The following WWOX variants were observed in gnomAD, a reference collection of about 807,000 sequenced individuals.
WWOX encodes the protein WW domain-containing oxidoreductase.
Under a neutral mutation model 46.2 loss-of-function variants are expected in WWOX, and 69 were observed. The ratio of observed to expected loss-of-function variants is 1.49; its 90% CI spans 1.23 to 1.82. WWOX has a LOEUF of 1.82. WWOX is among the 40% of genes most tolerant of loss of function. The pLI is 0.00. For missense variants in WWOX, 919 were observed against 542.6 expected (o/e 1.69, Z -6.89); for synonymous variants, 359 against 202.6 (o/e 1.77, Z -6.56).
chr16:78,249,688 C>T (rs968278459), intron 5 of WWOX, among the ~76,000 whole-genome samples: 2 of 152,262 alleles, frequency 1.3e-5, no homozygotes, highest in African/African-American at 4.8e-5. Flanking sequence ...CTTAGGTGGA[C>T]CAAAATGATC....
intron 5 of WWOX, among the ~76,000 whole-genome samples, chr16:78,324,611 A>G (rs913801343): frequency 1.1e-4 from 17 of 152,206 alleles, no homozygotes; most frequent in African/African-American, 3.9e-4. Flanking sequence ...ATTCATAAAA[A>G]TGGACAAAGT....
chr16:78,731,839 C>CTTTTTTTTTTTT (rs1358966064), intron 8 of WWOX, among the ~76,000 whole-genome samples: 2 of 111,498 alleles, frequency 1.8e-5, no homozygotes, highest in African/African-American at 5.3e-5. Flanking sequence ...AATTTTTTTT[C>CTTTTTTTTTTTT]TTTCTCTTTT....
At chr16:78,205,961 C>T (rs1223851166) in intron 5 of WWOX, among the ~76,000 whole-genome samples, 1 of 150,204 alleles carries the variant, frequency 6.7e-6, no homozygotes, top group African/African-American at 2.5e-5. Context: ...CCTTTCTTTC[C>T]TCCCTCCCTT....
chr16:78,983,526 G>A (rs1446462148), intron 8 of WWOX, among the ~76,000 whole-genome samples: 1 of 152,176 alleles, frequency 6.6e-6, no homozygotes, highest in African/African-American at 2.4e-5. Context: ...AATGGGGTAC[G>A]TTAAGATCTC....
chr16:78,814,789 A>C (rs1183182187), intron 8 of WWOX, among the ~76,000 whole-genome samples: 1 of 152,180 alleles, frequency 6.6e-6, no homozygotes, highest in African/African-American at 2.4e-5. Flanking sequence ...CTTCTGGTTG[A>C]AGTTGGGGAA....
intron 8 of WWOX, among the ~76,000 whole-genome samples, chr16:78,481,029 A>G (rs995095862): frequency 1.3e-5 from 2 of 152,258 alleles, no homozygotes; most frequent in African/African-American, 2.4e-5. Flanking sequence ...AGTAAACACA[A>G]TCACAGTTTG....
intron 5 of WWOX, among the ~76,000 whole-genome samples, chr16:78,289,568 G>C (rs1320088537): frequency 6.6e-6 from 1 of 152,142 alleles, no homozygotes; most frequent in Non-Finnish European, 1.5e-5. Flanking sequence ...CCGCTGTCCT[G>C]CTGTGACCAG....
chr16:78,603,554 C>T (rs552897842), intron 8 of WWOX, among the ~76,000 whole-genome samples: 14 of 152,002 alleles, frequency 9.2e-5, no homozygotes, highest in Non-Finnish European at 1.5e-4. Flanking sequence ...ATTAGCTGGG[C>T]GTGGTGGCAG....
chr16:79,187,113 C>T (rs2051031440), intron 8 of WWOX, among the ~76,000 whole-genome samples: 1 of 152,202 alleles, frequency 6.6e-6, no homozygotes, highest in Non-Finnish European at 1.5e-5. Flanking sequence ...ATCATAGACA[C>T]TGAGCCGAAC....
chr16:78,826,725 A>G (rs974519828), intron 8 of WWOX, among the ~76,000 whole-genome samples: 10 of 152,204 alleles, frequency 6.6e-5, no homozygotes, highest in East Asian at 1.9e-4. Flanking sequence ...GGATTTGGAT[A>G]TGGAACTGCC....
At chr16:78,105,667 C>T (rs549889139) in intron 1 of WWOX, among the ~76,000 whole-genome samples, 20 of 152,208 alleles carry the variant, frequency 1.3e-4, no homozygotes, top group Non-Finnish European at 2.5e-4. Flanking sequence ...TACATTTGTG[C>T]GCCTGCTGTG....
intron 8 of WWOX, among the ~76,000 whole-genome samples, chr16:79,019,867 A>C (rs2047496163): frequency 6.6e-6 from 1 of 152,294 alleles, no homozygotes; most frequent in Admixed American, 6.5e-5. Flanking sequence ...CTAGTTAAGC[A>C]ACCCCTCGGA....
intron 6 of WWOX, among the ~76,000 whole-genome samples, chr16:78,404,447 A>G (rs1229995517): frequency 6.6e-6 from 1 of 152,138 alleles, no homozygotes; most frequent in Non-Finnish European, 1.5e-5. Context: ...GGTCACAGAA[A>G]GAACCAATTC....
chr16:79,061,879 T>C (rs774674783), intron 8 of WWOX, among the ~76,000 whole-genome samples: 1 of 152,226 alleles, frequency 6.6e-6, no homozygotes, highest in Non-Finnish European at 1.5e-5. Context: ...GTAGACACTA[T>C]GATTCCCATT....
intron 8 of WWOX, among the ~76,000 whole-genome samples, chr16:79,097,007 C>G (rs925366907): frequency 1.3e-5 from 2 of 151,892 alleles, no homozygotes; most frequent in African/African-American, 4.8e-5. Flanking sequence ...GGTTTTGCAA[C>G]TTTCTGTGGC....
chr16:79,073,150 G>GTTATTATTATTA (rs58438039), intron 8 of WWOX, among the ~76,000 whole-genome samples: 308 of 143,114 alleles, frequency 2.2e-3, no homozygotes, highest in East Asian at 8.1e-3. Context: ...GTAGTTATTC[G>GTTATTATTATTA]TTATTATTAT....
At chr16:79,187,562 C>G (rs940771608) in intron 8 of WWOX, among the ~76,000 whole-genome samples, 1 of 152,126 alleles carries the variant, frequency 6.6e-6, no homozygotes, top group Non-Finnish European at 1.5e-5. Context: ...ACACCGCACA[C>G]CGCCACCACG....
chr16:78,190,925 G>A (rs1198948890), intron 5 of WWOX, among the ~76,000 whole-genome samples: 1 of 152,032 alleles, frequency 6.6e-6, no homozygotes, highest in Non-Finnish European at 1.5e-5. Context: ...GGGACCCAGG[G>A]TATCAGTCAT....
chr16:78,926,447 T>C (rs1405642043), intron 8 of WWOX, among the ~76,000 whole-genome samples: 1 of 152,166 alleles, frequency 6.6e-6, no homozygotes, highest in African/African-American at 2.4e-5. Flanking sequence ...ATAATTTCTC[T>C]TGGTTACTGA....
Sources: gnomAD v4.1 joint callset for allele counts (sites outside exome capture counted in the v4.1 genomes callset) on GRCh38, gnomAD v4.1.1 for gene constraint, MANE v1.5 for transcripts, NCBI Gene and HGNC (gene_info 2026-07-23, HGNC 2026-07-21) for gene names.